The following AKAP13 variants were observed in gnomAD, a reference collection of about 807,000 sequenced individuals.
The protein encoded by AKAP13 is A-kinase anchor protein 13.
In AKAP13, 80 loss-of-function variants were observed where a neutral mutation model predicts 264.5. The ratio of observed to expected loss-of-function variants is 0.30; its 90% CI spans 0.25 to 0.36. The LOEUF is 0.36. Ranked by LOEUF, AKAP13 falls within the 10% of genes least tolerant of loss-of-function variation. The pLI, the probability that AKAP13 is intolerant of heterozygous loss-of-function variation, is 1.00. For synonymous variants in AKAP13, 1,380 were observed against 1,250.2 expected (o/e 1.10, Z -2.19); for missense variants, 3,712 against 3,435.2 (o/e 1.08, Z -2.01).
chr15:85,619,502 C>G (rs1056632635), intron 8 of AKAP13: 4 of 985,250 alleles, frequency 4.1e-6, no homozygotes, highest in African/African-American at 3.5e-5. Flanking sequence ...AAAAGCATCT[C>G]CCAGCTTCTA....
intron 5 of AKAP13, among the ~76,000 whole-genome samples, chr15:85,557,127 C>T (rs1312331027): frequency 6.6e-6 from 1 of 152,138 alleles, no homozygotes; most frequent in Admixed American, 6.5e-5. Context: ...TCTTTTCTTT[C>T]TGCTCATTAA....
At position 85,585,687 on chromosome 15, in the gene AKAP13, C is replaced by A. The variant is rs746953525; in HGVS notation, c.4040-15C>A. 1.2e-6 allele frequency: 2 copies of A among 1,613,960 alleles called. No individual in the cohort carries two copies. The highest frequency in any genetic ancestry group is 3.3e-5 in the Admixed American group (2 of 60,024). On this transcript the variant is annotated splice_polypyrimidine_tract_variant and intron_variant, in intron 7 of 36. Coordinates refer to ENST00000394518, the MANE Select transcript of AKAP13 (RefSeq NM_007200.5). ...GTTTTTAAAAATGTACTCTGTAACCCCCCTGCACTTTCAGAAATGCCAGAC... is the reference window on the plus strand; with the variant it reads ...GTTTTTAAAAATGTACTCTGTAACCACCCTGCACTTTCAGAAATGCCAGAC...
At chr15:85,742,505 A>G (rs2151789428) in intron 35 of AKAP13, among the ~76,000 whole-genome samples, 1 of 152,190 alleles carries the variant, frequency 6.6e-6, no homozygotes, top group South Asian at 2.1e-4. Context: ...GGAGGCCGCC[A>G]CTCCTCTCGT....
chr15:85,586,796 C>A (rs765399304), intron 8 of AKAP13, among the ~76,000 whole-genome samples: 2 of 151,876 alleles, frequency 1.3e-5, no homozygotes, highest in Non-Finnish European at 2.9e-5. Flanking sequence ...GGCGTGGTGG[C>A]AGGTGCCTGT....
At chr15:85,499,095 A>G (rs1431005173) in intron 2 of AKAP13, among the ~76,000 whole-genome samples, 1 of 152,196 alleles carries the variant, frequency 6.6e-6, no homozygotes, top group Non-Finnish European at 1.5e-5. Flanking sequence ...TGTATATATT[A>G]AGTAAGATAT....
Position 85,418,200 on chromosome 15 carries a change from C to T in AKAP13, c.-12+37402C>T, listed in dbSNP as rs542517298. On this transcript the variant is annotated intron_variant, in intron 1 of 36. Coordinates refer to ENST00000394518, the MANE Select transcript of AKAP13 (RefSeq NM_007200.5). ...AAGGGACCCTCCTGCCTCAGCCTCC[C>T]GAGTAGCTGGGACTACAGGCGTGCG... Among the ~76,000 whole-genome samples, 5 of 151,964 alleles carry T rather than the reference C, an allele frequency of 3.3e-5. No homozygotes were observed. The East Asian group carries it at 7.7e-4, about 23-fold the overall frequency.
chr15:85,554,800 G>A (rs2078083944), intron 5 of AKAP13, among the ~76,000 whole-genome samples: 1 of 152,160 alleles, frequency 6.6e-6, no homozygotes. Context: ...AGAAATTTAA[G>A]TAGTCCAAGA....
In AKAP13 at chr15:85,745,488, CCCACATGTTTT is replaced by C. The variant is rs2089343657; in HGVS notation, c.*812_*822del. On this transcript the variant is annotated 3_prime_UTR_variant, in exon 37 of 37. Transcript: ENST00000394518. ...ATATCCTGGTTTTCCAGCATGTTTA[CCCACATGTTTT>C]GGCCATGGATAAAGTGAAGAGGCCT... is the stretch of plus-strand genomic sequence containing the variant. 1 of 152,156 alleles carries C rather than the reference CCCACATGTTTT, an allele frequency of 6.6e-6. No individual in the cohort carries two copies. The highest frequency in any genetic ancestry group is 6.5e-5 in the Admixed American group (1 of 15,274). The allele number at this position is 152,156 out of a possible 1,614,324, so 9.4% of individuals were successfully genotyped here.
chr15:85,669,764 T>A lies in AKAP13; in HGVS notation c.5035T>A (p.Ser1679Thr). The A allele has an allele frequency of 6.2e-7, 1 of 1,613,814 alleles. No individual in the cohort carries two copies. Among genetic ancestry groups the A allele is most frequent in the South Asian group, 1.1e-5 (1 of 91,076 alleles). The change falls in exon 14 of 37, where the codon TCA (serine) becomes ACA (threonine). Residue 1679 changes from serine to threonine, a missense_variant. Physicochemically the swap from Ser to Thr is moderately conservative, Grantham distance 58. This residue lies in a region of AKAP13 where 2,759 missense variants were observed against 2,411.7 expected (regional missense o/e 1.14). Coordinates refer to ENST00000394518, the MANE Select transcript of AKAP13 (RefSeq NM_007200.5). ...GCAGCAGGGATTTAATTACTGTACA[T>A]CAGCCATTTCCTCTCCATTGACAAA... Reference protein sequence around the residue: ...SKQQGFNYCTSAISSPLTKSI... With the variant: ...SKQQGFNYCTTAISSPLTKSI...
At chr15:85,695,877 C>T (rs1343984421) in intron 17 of AKAP13, among the ~76,000 whole-genome samples, 1 of 152,196 alleles carries the variant, frequency 6.6e-6, no homozygotes, top group Non-Finnish European at 1.5e-5. Context: ...TCTAATAGGA[C>T]TCTTCTGGGA....
chr15:85,645,303 T>G (rs1197513325), intron 9 of AKAP13, among the ~76,000 whole-genome samples: 1 of 152,044 alleles, frequency 6.6e-6, no homozygotes. Flanking sequence ...AATGATAAAT[T>G]TTTCCACTTT....
chr15:85,681,416 T>C (rs1281377615), intron 14 of AKAP13, among the ~76,000 whole-genome samples: 1 of 152,140 alleles, frequency 6.6e-6, no homozygotes, highest in East Asian at 1.9e-4. Flanking sequence ...AATAATAATA[T>C]TCCTTCTATT....
rs555798267 is a variant in AKAP13 at position 85,554,578 on chromosome 15, T to G, written c.662+10623T>G. 8.3e-4 allele frequency among the ~76,000 whole-genome samples: 126 copies of G among 152,228 alleles called. 2 individuals carry two copies. Among genetic ancestry groups the G allele is most frequent in the African/African-American group, 2.9e-3 (122 of 41,550 alleles). On this transcript the variant is annotated intron_variant, in intron 5 of 36. Coordinates refer to ENST00000394518, the MANE Select transcript of AKAP13 (RefSeq NM_007200.5). ...ACTTACCCCACAAGCAGGCTTCCCTTACTTTTTTTTCTTTTTTTTTTAAGT... is the reference window on the plus strand; with the variant it reads ...ACTTACCCCACAAGCAGGCTTCCCTGACTTTTTTTTCTTTTTTTTTTAAGT...
At chr15:85,651,196 GCATTTTTCCCAA>G (rs1363018660) in intron 10 of AKAP13, among the ~76,000 whole-genome samples, 4 of 152,086 alleles carry the variant, frequency 2.6e-5, no homozygotes. Context: ...AGCCAATCAG[GCATTTTTCCCAA>G]CATTTTATTA....
chr15:85,581,527 A>G lies in AKAP13; in HGVS notation c.3459A>G (p.Ile1153Met), dbSNP rs779803596. ...AGGGAGTTGGAACCCCAGAGATGAT[A>G]CCTCTTGATTGGGAGAAAGGGAAGC... ...DPQGVGTPEMIPLDWEKGKLE... is the reference protein window; with the variant it reads ...DPQGVGTPEMMPLDWEKGKLE... The change falls in exon 7 of 37, where the codon ATA becomes ATG. Residue 1153 changes from isoleucine (I) to methionine (M), a missense_variant. Ile to Met is a conservative substitution (Grantham distance 10, BLOSUM62 1). Around this residue, in one of 3 missense-constraint regions of AKAP13, gnomAD observed 2,759 missense variants for 2,411.7 expected, o/e 1.14. Coordinates refer to ENST00000394518, the MANE Select transcript of AKAP13 (RefSeq NM_007200.5). 1.4e-5 allele frequency: 23 copies of G among 1,614,146 alleles called. No homozygotes were observed. Among genetic ancestry groups the G allele is most frequent in the Non-Finnish European group, 1.9e-5 (22 of 1,180,030 alleles).
At chr15:85,562,574 A>AAAAAAAAAAAAT (rs1351834745) in intron 5 of AKAP13, among the ~76,000 whole-genome samples, 2 of 77,670 alleles carry the variant, frequency 2.6e-5, no homozygotes, top group African/African-American at 8.0e-5. Context: ...CAAAAAAAAA[A>AAAAAAAAAAAAT]ATATATATAT....
At chr15:85,415,157 A>T in intron 1 of AKAP13, 1 of 860,744 alleles carries the variant, frequency 1.2e-6, no homozygotes, top group Non-Finnish European at 1.9e-6. Context: ...TTAAAAAAAA[A>T]TGAGATGTGA....
chr15:85,516,959 A>G (rs1004288182), intron 2 of AKAP13, among the ~76,000 whole-genome samples: 7 of 152,224 alleles, frequency 4.6e-5, no homozygotes, highest in African/African-American at 1.7e-4. Context: ...TTGAGTATTT[A>G]TGACATTTGT....
intron 17 of AKAP13, among the ~76,000 whole-genome samples, chr15:85,701,478 C>T (rs2085908519): frequency 6.6e-6 from 1 of 152,116 alleles, no homozygotes; most frequent in African/African-American, 2.4e-5. Flanking sequence ...CTCACTCTGT[C>T]ACCTAGGCTG....
Sources: gnomAD v4.1 joint callset for allele counts (sites outside exome capture counted in the v4.1 genomes callset) on GRCh38, gnomAD v4.1.1 for gene constraint, gnomAD v4.1.1 regional missense constraint, MANE v1.5 for transcripts, NCBI Gene and HGNC (gene_info 2026-07-23, HGNC 2026-07-21) for gene names.